Variants in PHF14 observed in about 807,000 individuals in gnomAD.
PHF14 encodes the protein PHD finger protein 14.
A neutral mutation model predicts 117.9 loss-of-function variants in PHF14; 55 were observed. The observed-to-expected ratio is 0.47, with a 90% CI of 0.38 to 0.58. PHF14 has a LOEUF of 0.58. Among genes scored for constraint, PHF14 ranks in the 20% least tolerant of loss-of-function variants. The pLI, the probability that PHF14 is intolerant of heterozygous loss-of-function variation, is 0.00. For missense variants in PHF14, 978 were observed against 1,122.2 expected (o/e 0.87, Z 1.84); for synonymous variants, 409 against 368.6 (o/e 1.11, Z -1.26).
At chr7:11,078,793 T>C (rs1382034018) in intron 16 of PHF14, among the ~76,000 whole-genome samples, 13 of 152,154 alleles carry the variant, frequency 8.5e-5, no homozygotes, top group Non-Finnish European at 1.5e-5. Flanking sequence ...TTATTACTAA[T>C]TGAGATAAGT....
At chr7:11,041,593 T>C (rs1784507898) in intron 12 of PHF14, among the ~76,000 whole-genome samples, 2 of 152,012 alleles carry the variant, frequency 1.3e-5, no homozygotes, top group African/African-American at 4.8e-5. Context: ...GTTTTTTTGT[T>C]GGAGGCTCCC....
At chr7:11,106,262 A>T (rs1340251492) in intron 16 of PHF14, 1 of 965,596 alleles carries the variant, frequency 1.0e-6, no homozygotes, top group African/African-American at 1.8e-5. Flanking sequence ...ATTTTTTAAA[A>T]TTAATTTTTA....
chr7:11,157,831 C>A (rs1046508382), intron 17 of PHF14, among the ~76,000 whole-genome samples: 1 of 152,114 alleles, frequency 6.6e-6, no homozygotes, highest in Admixed American at 6.5e-5. Context: ...AATACTGAAA[C>A]CCCATTTTCC....
intron 17 of PHF14, among the ~76,000 whole-genome samples, chr7:11,162,987 A>G (rs184708934): frequency 2.0e-5 from 3 of 152,322 alleles, no homozygotes; most frequent in Admixed American, 2.0e-4. Flanking sequence ...TTATTTATGT[A>G]TTCCCATACA....
chr7:11,004,487 A>T (rs1278030165), intron 4 of PHF14, among the ~76,000 whole-genome samples: 5 of 151,842 alleles, frequency 3.3e-5, no homozygotes, highest in Admixed American at 3.3e-4. Context: ...ACCCCACAGG[A>T]TCCATTCAGG....
chr7:11,122,170 G>A (rs1238343815), intron 17 of PHF14, among the ~76,000 whole-genome samples: 1 of 150,692 alleles, frequency 6.6e-6, no homozygotes, highest in Non-Finnish European at 1.5e-5. Context: ...CTTCATCCAT[G>A]TCCCTGCAAA....
chr7:11,056,584 C>T (rs1229771655), intron 14 of PHF14, among the ~76,000 whole-genome samples: 3 of 151,960 alleles, frequency 2.0e-5, no homozygotes, highest in Non-Finnish European at 4.4e-5. Context: ...TGGTAGCCAA[C>T]AGAAACAGAT....
intron 4 of PHF14, among the ~76,000 whole-genome samples, chr7:11,001,249 C>T (rs79398746): frequency 0.021 from 3,172 of 152,154 alleles, 126 homozygotes; most frequent in African/African-American, 0.073. Flanking sequence ...CATCAACTGA[C>T]CTATATATCT....
At chr7:11,150,550 TTC>T (rs1413567323) in intron 17 of PHF14, among the ~76,000 whole-genome samples, 5 of 151,994 alleles carry the variant, frequency 3.3e-5, no homozygotes, top group Non-Finnish European at 7.4e-5. Context: ...GAATTTTTAT[TTC>T]TTTCTTCTCA....
At chr7:11,139,932 T>G (rs922153965) in intron 17 of PHF14, among the ~76,000 whole-genome samples, 1 of 152,126 alleles carries the variant, frequency 6.6e-6, no homozygotes, top group African/African-American at 2.4e-5. Context: ...GAGATTCTTG[T>G]TAGACTAGTG....
chr7:11,043,725 C>G (rs893976974), intron 13 of PHF14, among the ~76,000 whole-genome samples: 2 of 151,986 alleles, frequency 1.3e-5, no homozygotes, highest in East Asian at 1.9e-4. Flanking sequence ...CTGGCCTGTT[C>G]TTTTGAAATG....
intron 5 of PHF14, among the ~76,000 whole-genome samples, chr7:11,022,624 T>C (rs1783774621): frequency 6.6e-6 from 1 of 152,212 alleles, no homozygotes; most frequent in Non-Finnish European, 1.5e-5. Flanking sequence ...GCAATTATAG[T>C]TGTTAGCTCT....
chr7:11,157,267 CAA>C (rs1788891025), intron 17 of PHF14, among the ~76,000 whole-genome samples: 1 of 151,844 alleles, frequency 6.6e-6, no homozygotes, highest in Non-Finnish European at 1.5e-5. Flanking sequence ...GACGTGACTT[CAA>C]GAGTTAATAT....
At chr7:10,996,647 TATAAA>T (rs1458826290) in intron 4 of PHF14, among the ~76,000 whole-genome samples, 26 of 152,124 alleles carry the variant, frequency 1.7e-4, no homozygotes, top group African/African-American at 6.0e-4. Context: ...ATTAAATAAA[TATAAA>T]ATACACAGAA....
chr7:11,066,293 G>A (rs1003321071), intron 16 of PHF14, among the ~76,000 whole-genome samples: 3 of 151,892 alleles, frequency 2.0e-5, no homozygotes, highest in Non-Finnish European at 4.4e-5. Context: ...GTTTGTTTTC[G>A]TTGTCACTCA....
In PHF14 at chr7:11,062,100, A is replaced by T. The variant is rs776617818; in HGVS notation, c.2654+15A>T. ...AATCTTGTCAGGTAAGTTGGATGCT[A>T]AAACCTTGTCTTTAGGGGATGAAAG... On this transcript the variant is annotated intron_variant, in intron 16 of 17. Transcript: ENST00000634607. 6.3e-7 allele frequency: 1 copy of T among 1,594,862 alleles called. No individual in the cohort carries two copies. Among genetic ancestry groups the T allele is most frequent in the East Asian group, 2.2e-5 (1 of 44,540 alleles).
intron 16 of PHF14, chr7:11,103,957 T>G (rs1440222938): frequency 1.0e-6 from 1 of 984,508 alleles, no homozygotes; most frequent in Non-Finnish European, 1.2e-6. Context: ...TGTCACTATA[T>G]TAGCTTAAGG....
intron 16 of PHF14, chr7:11,102,418 A>C: frequency 6.4e-7 from 1 of 1,553,906 alleles, no homozygotes. Flanking sequence ...TATGTTTCAT[A>C]AGACATAGTG....
In PHF14 at chr7:11,036,049, A is replaced by G. The variant is rs551295673; in HGVS notation, c.1602+263A>G. Among the ~76,000 whole-genome samples, 31 of 152,306 alleles carry G rather than the reference A, an allele frequency of 2.0e-4. 1 individual carries two copies. In the South Asian group the frequency reaches 6.0e-3, roughly 30 times the overall value. ...GTGAGGAAATTACTCTATCAGTGCAATATATTTATTACATCTTGTTTCAGT... is the reference window on the plus strand; with the variant it reads ...GTGAGGAAATTACTCTATCAGTGCAGTATATTTATTACATCTTGTTTCAGT... On this transcript the variant is annotated intron_variant, in intron 8 of 17. Transcript: ENST00000634607.
Sources: allele counts gnomAD v4.1 joint callset (sites outside exome capture counted in the v4.1 genomes callset), GRCh38; gene constraint gnomAD v4.1.1; transcripts MANE v1.5; gene names NCBI Gene and HGNC (gene_info 2026-07-23, HGNC 2026-07-21).